Variants in HDAC9 observed in about 807,000 individuals in gnomAD.
The protein encoded by HDAC9 is histone deacetylase 9.
In HDAC9, 41 loss-of-function variants were observed where a neutral mutation model predicts 139.4. That is an observed-to-expected ratio of 0.29 (90% CI 0.23 to 0.38). HDAC9 has a LOEUF of 0.38. Among genes scored for constraint, HDAC9 ranks in the 10% least tolerant of loss-of-function variants. The probability of loss-of-function intolerance (pLI) is 1.00; values close to 1 mark genes in which losing one functional copy is unlikely to be tolerated. For synonymous variants in HDAC9, 517 were observed against 476.2 expected, an observed-to-expected ratio of 1.09 and a Z score of -1.12; for missense variants, 1,147 against 1,297.0, an observed-to-expected ratio of 0.88 and a Z score of 1.78.
intron 2 of HDAC9, among the ~76,000 whole-genome samples, chr7:18,204,653 G>A (rs954299964): frequency 5.9e-5 from 9 of 151,798 alleles, no homozygotes; most frequent in African/African-American, 1.7e-4. Context: ...AATAAAATGC[G>A]TGTGTGTTCT....
At chr7:18,806,084 G>A (rs1185181535) in intron 17 of HDAC9, among the ~76,000 whole-genome samples, 1 of 152,030 alleles carries the variant, frequency 6.6e-6, no homozygotes, top group African/African-American at 2.4e-5. Flanking sequence ...CTAAAAATGA[G>A]ACTATTTCTA....
At chr7:18,435,814 C>T (rs1330823820) in intron 1 of HDAC9, among the ~76,000 whole-genome samples, 1 of 150,866 alleles carries the variant, frequency 6.6e-6, no homozygotes, top group African/African-American at 2.4e-5. Context: ...GGAATAGAAA[C>T]ATATGTCTAG....
intron 6 of HDAC9, among the ~76,000 whole-genome samples, chr7:18,620,953 CAAT>C (rs1186424433): frequency 6.6e-6 from 1 of 152,124 alleles, no homozygotes; most frequent in Admixed American, 6.6e-5. Flanking sequence ...AAAACTCACA[CAAT>C]GATGTACATA....
intron 22 of HDAC9, 133 bp from the exon 23 acceptor site, chr7:18,935,676 T>G (rs1369838725): frequency 1.3e-6 from 1 of 757,790 alleles, no homozygotes; most frequent in Non-Finnish European, 2.2e-6. Flanking sequence ...TAAAGTTATT[T>G]TAAGTATTGG....
At chr7:18,992,087 A>C (rs1248125604) in intron 25 of HDAC9, among the ~76,000 whole-genome samples, 1 of 152,264 alleles carries the variant, frequency 6.6e-6, no homozygotes, top group Non-Finnish European at 1.5e-5. Flanking sequence ...GCCATGCTGC[A>C]TACTAATTTA....
At position 18,564,429 on chromosome 7, in the gene HDAC9, TA is replaced by T. The variant is rs1207021185; in HGVS notation, c.23-20848del. 5.3e-5 allele frequency among the ~76,000 whole-genome samples: 8 copies of T among 152,344 alleles called. No individual in the cohort carries two copies. In the East Asian group the frequency reaches 1.5e-3, roughly 29 times the overall value. On this transcript the variant is annotated intron_variant, in intron 2 of 25. Transcript: ENST00000686413. Reference sequence around the variant, plus strand: ...TTCTATTAAGCTTCCAAGTATTTTTTAAAAGACAATTTGTATTCCTGGCTTT... The same window carrying T: ...TTCTATTAAGCTTCCAAGTATTTTTTAAAGACAATTTGTATTCCTGGCTTT...
intron 12 of HDAC9, among the ~76,000 whole-genome samples, chr7:18,684,736 A>T (rs867906385): frequency 3.3e-5 from 5 of 152,094 alleles, no homozygotes; most frequent in Middle Eastern, 3.4e-3. Context: ...CAGTTGGTTT[A>T]TGAAGTAACC....
chr7:18,261,693 CT>C (rs1342560338), intron 2 of HDAC9, among the ~76,000 whole-genome samples: 17 of 152,284 alleles, frequency 1.1e-4, no homozygotes, highest in South Asian at 4.1e-4. Context: ...ATGGAGCATA[CT>C]TTTTCCATTA....
intron 1 of HDAC9, among the ~76,000 whole-genome samples, chr7:18,092,374 A>G (rs1442814497): frequency 1.3e-5 from 2 of 151,560 alleles, no homozygotes; most frequent in East Asian, 3.9e-4. Flanking sequence ...TGGGCAACAC[A>G]GTAAGACCCT....
intron 1 of HDAC9, among the ~76,000 whole-genome samples, chr7:18,128,768 G>A (rs1784828082): frequency 6.6e-6 from 1 of 151,568 alleles, no homozygotes; most frequent in South Asian, 2.1e-4. Flanking sequence ...TTTGTGCCAT[G>A]TCTCTTTATT....
intron 13 of HDAC9, among the ~76,000 whole-genome samples, chr7:18,730,713 C>G (rs913867511): frequency 6.6e-6 from 1 of 152,176 alleles, no homozygotes; most frequent in Non-Finnish European, 1.5e-5. Flanking sequence ...GGACAGAAAA[C>G]AATCACAAAT....
At chr7:18,482,549 C>G (rs1427327034) in intron 1 of HDAC9, among the ~76,000 whole-genome samples, 1 of 151,750 alleles carries the variant, frequency 6.6e-6, no homozygotes, top group African/African-American at 2.4e-5. Context: ...TTAGAGTTAT[C>G]AAATCTTACA....
chr7:18,234,019 AGG>A (rs1793650492), intron 2 of HDAC9, among the ~76,000 whole-genome samples: 2 of 152,196 alleles, frequency 1.3e-5, no homozygotes, highest in African/African-American at 4.8e-5. Context: ...AAAATATGTA[AGG>A]GTTGCTTTCT....
At chr7:18,783,557 G>A (rs2129172261) in intron 16 of HDAC9, among the ~76,000 whole-genome samples, 1 of 152,100 alleles carries the variant, frequency 6.6e-6, no homozygotes, top group Admixed American at 6.6e-5. Flanking sequence ...CTCTGTAAGA[G>A]TTAGAGGACT....
At chr7:18,837,115 C>G (rs900168184) in intron 21 of HDAC9, among the ~76,000 whole-genome samples, 1 of 151,510 alleles carries the variant, frequency 6.6e-6, no homozygotes, top group Admixed American at 6.6e-5. Flanking sequence ...AGAAAAATAG[C>G]TATTTAAAAA....
At chr7:18,745,634 C>T (rs1787882686) in intron 13 of HDAC9, among the ~76,000 whole-genome samples, 1 of 148,714 alleles carries the variant, frequency 6.7e-6, no homozygotes, top group Admixed American at 6.7e-5. Flanking sequence ...GCAAGCTCCG[C>T]CTCCCGGGTT....
At chr7:18,955,131 T>G (rs1473197096) in intron 24 of HDAC9, among the ~76,000 whole-genome samples, 1 of 152,146 alleles carries the variant, frequency 6.6e-6, no homozygotes, top group Non-Finnish European at 1.5e-5. Flanking sequence ...AAACTATGAA[T>G]TTTGAAGACT....
At chr7:18,115,955 G>T (rs1783949437) in intron 1 of HDAC9, among the ~76,000 whole-genome samples, 1 of 152,132 alleles carries the variant, frequency 6.6e-6, no homozygotes, top group Non-Finnish European at 1.5e-5. Flanking sequence ...TCACTACATT[G>T]ATACTTAGTT....
intron 1 of HDAC9, among the ~76,000 whole-genome samples, chr7:18,396,188 C>T (rs975218861): frequency 9.1e-5 from 13 of 142,502 alleles, no homozygotes; most frequent in South Asian, 2.3e-4. Flanking sequence ...AAATATTTAC[C>T]GAGGGACATT....
Sources: gnomAD v4.1 joint callset for allele counts (sites outside exome capture counted in the v4.1 genomes callset) on GRCh38, gnomAD v4.1.1 for gene constraint, MANE v1.5 for transcripts, NCBI Gene and HGNC (gene_info 2026-07-23, HGNC 2026-07-21) for gene names.